USP49: variants seen among roughly 807,000 people sequenced by gnomAD.
USP49 encodes ubiquitin carboxyl-terminal hydrolase 49.
Under a neutral mutation model 58.6 loss-of-function variants are expected in USP49, and 24 were observed. The observed-to-expected ratio is 0.41, with a 90% CI of 0.30 to 0.58. The LOEUF is 0.58. USP49 is among the 20% of genes least tolerant of loss of function. The pLI is 0.30. For missense variants in USP49, 703 were observed against 866.1 expected, an observed-to-expected ratio of 0.81 and a Z score of 2.36; for synonymous variants, 408 against 365.1, an observed-to-expected ratio of 1.12 and a Z score of -1.34.
At chr6:41,878,479 CA>C (rs772558846) in intron 2 of USP49, among the ~76,000 whole-genome samples, 4 of 152,034 alleles carry the variant, frequency 2.6e-5, no homozygotes, top group Non-Finnish European at 5.9e-5. Context: ...AAAACAATAC[CA>C]AATCCCATTT....
chr6:41,823,250 C>A (rs1398184474), intron 3 of USP49, among the ~76,000 whole-genome samples: 2 of 152,070 alleles, frequency 1.3e-5, no homozygotes, highest in African/African-American at 2.4e-5. Flanking sequence ...AACCTTTGTA[C>A]CTTTTGGGGA....
intron 3 of USP49, among the ~76,000 whole-genome samples, chr6:41,813,657 GC>G (rs1349247692): frequency 5.3e-5 from 8 of 152,024 alleles, no homozygotes; most frequent in Admixed American, 5.2e-4. Context: ...ATTTGTCATG[GC>G]GACTCACTAA....
chr6:41,829,501 T>TG (rs1485062692), intron 3 of USP49, among the ~76,000 whole-genome samples: 1 of 152,116 alleles, frequency 6.6e-6, no homozygotes, highest in South Asian at 2.1e-4. Flanking sequence ...TTAGTAGAGA[T>TG]GGGGTTTCTC....
At chr6:41,856,225 A>C (rs1029314151) in intron 3 of USP49, among the ~76,000 whole-genome samples, 1 of 151,874 alleles carries the variant, frequency 6.6e-6, no homozygotes, top group Non-Finnish European at 1.5e-5. Flanking sequence ...TACAAAAAAA[A>C]TTAGCCAGGC....
At position 41,803,549 on chromosome 6, in the gene USP49, C is replaced by T. The variant is rs1268708275; in HGVS notation, c.1561+257G>A. 6.6e-6 allele frequency among the ~76,000 whole-genome samples: 1 copy of T among 152,222 alleles called. No homozygotes were observed. Among genetic ancestry groups the T allele is most frequent in the East Asian group, 1.9e-4 (1 of 5,198 alleles). ...AAACTCCTGACCTCAAGTGATCTGTCCGCCTTGGCCTCCCAAAATGCTGGG... is the reference window on the plus strand; with the variant it reads ...AAACTCCTGACCTCAAGTGATCTGTTCGCCTTGGCCTCCCAAAATGCTGGG... On this transcript the variant is annotated intron_variant, in intron 5 of 7. Coordinates refer to ENST00000682992, the MANE Select transcript of USP49 (RefSeq NM_001286554.2). The surrounding 1 kb of genome is among the most constrained non-coding windows in gnomAD (Gnocchi z 4.1).
At chr6:41,856,244 G>A (rs1424514578) in intron 3 of USP49, among the ~76,000 whole-genome samples, 9 of 151,806 alleles carry the variant, frequency 5.9e-5, no homozygotes, top group African/African-American at 9.7e-5. Context: ...GCGTGGTGGC[G>A]GGCGCCTGTA....
At chr6:41,815,615 A>G (rs985135700) in intron 3 of USP49, among the ~76,000 whole-genome samples, 2 of 152,142 alleles carry the variant, frequency 1.3e-5, no homozygotes, top group East Asian at 1.9e-4. Flanking sequence ...GGGGTAACCT[A>G]TAAGTCATAG....
rs982973917 is a variant in USP49 at position 41,854,133 on chromosome 6, A to G, written c.-29+17431T>C. ...GGAGTTCGAGACCAGCCTGGCCAAC[A>G]TGGTGAAACCCCACCTCTACTAAAA... On this transcript the variant is annotated intron_variant, in intron 3 of 7. Transcript: ENST00000682992. Among the ~76,000 whole-genome samples the G allele has an allele frequency of 4.0e-5, 6 of 151,756 alleles. No individual in the cohort carries two copies. In the East Asian group the frequency reaches 1.2e-3, roughly 29 times the overall value.
At chr6:41,859,642 A>G (rs1774186690) in intron 3 of USP49, among the ~76,000 whole-genome samples, 1 of 152,182 alleles carries the variant, frequency 6.6e-6, no homozygotes, top group African/African-American at 2.4e-5. Context: ...ATAAACAAAT[A>G]ACGTTCTACT....
intron 3 of USP49, among the ~76,000 whole-genome samples, chr6:41,840,385 A>G (rs6458246): frequency 0.25 from 37,478 of 151,264 alleles, 4,858 homozygotes; most frequent in Middle Eastern, 0.3. Context: ...AAAAAAAAAA[A>G]AAAAGAAAAT....
chr6:41,877,838 G>A (rs1229641933), intron 2 of USP49, among the ~76,000 whole-genome samples: 1 of 152,204 alleles, frequency 6.6e-6, no homozygotes, highest in Non-Finnish European at 1.5e-5. Flanking sequence ...TGGGATTATA[G>A]GCGTGGGCCA....
Position 41,806,897 on chromosome 6 carries a change from A to G in USP49, c.87T>C (p.Cys29=), listed in dbSNP as rs376164265. ...LNPQKWCCLE[C]ATTESVWACL... ...AGGCCCACACGGACTCGGTGGTGGCACACTCTAAGCAGCACCACTTCTGAG... is the reference window on the plus strand; with the variant it reads ...AGGCCCACACGGACTCGGTGGTGGCGCACTCTAAGCAGCACCACTTCTGAG... The change falls in exon 4 of 8, where the codon TGT becomes TGC. Residue 29 remains cysteine (C), a synonymous_variant. Coordinates refer to ENST00000682992, the MANE Select transcript of USP49 (RefSeq NM_001286554.2). This position sits in a 1 kb window ranked among gnomAD's most constrained non-coding sequence, Gnocchi z 5.9. The G allele has an allele frequency of 9.4e-5, 151 of 1,613,828 alleles. No individual in the cohort carries two copies. Among genetic ancestry groups the G allele is most frequent in the Non-Finnish European group, 1.1e-4 (130 of 1,180,004 alleles).
At chr6:41,889,060 TCTCGCTCTGTTGACGAGG>T (rs1774767376) in intron 2 of USP49, among the ~76,000 whole-genome samples, 1 of 151,780 alleles carries the variant, frequency 6.6e-6, no homozygotes, top group Admixed American at 6.6e-5. Flanking sequence ...TGAGACAGAG[TCTCGCTCTGTTGACGAGG>T]CTGGAGTGCA....
intron 3 of USP49, among the ~76,000 whole-genome samples, chr6:41,859,992 C>T (rs956494803): frequency 4.6e-5 from 7 of 152,070 alleles, no homozygotes; most frequent in Non-Finnish European, 8.8e-5. Context: ...TCCCATTTAC[C>T]GAAGACTGTC....
rs141577037 is a variant in USP49, at chr6:41,838,968, T to C, written c.-28-31957A>G. Among the ~76,000 whole-genome samples, 7 of 152,300 alleles carry C rather than the reference T, an allele frequency of 4.6e-5. No homozygotes were observed. The East Asian group carries it at 1.3e-3, about 29-fold the overall frequency. On this transcript the variant is annotated intron_variant, in intron 3 of 7. Coordinates refer to ENST00000682992, the MANE Select transcript of USP49 (RefSeq NM_001286554.2). ...CATTAAATAATCTGGTCTTGAATAA[T>C]CTTTGGGTCAACAATGAAATCAAGA...
At chr6:41,801,153 A>G (rs914145848) in intron 5 of USP49, among the ~76,000 whole-genome samples, 20 of 152,240 alleles carry the variant, frequency 1.3e-4, no homozygotes, top group Admixed American at 1.2e-3. Context: ...GAGTTCTCTT[A>G]GTTTCTATCA....
rs1554142793 is a variant in USP49 at position 41,802,428 on chromosome 6, TTTTA to T, written c.1561+1374_1561+1377del. Among the ~76,000 whole-genome samples, 204 of 106,420 alleles carry T rather than the reference TTTTA, an allele frequency of 1.9e-3. 6 individuals carry two copies. The highest frequency in any genetic ancestry group is 6.0e-3 in the East Asian group (23 of 3,830). 69.8% of individuals were successfully genotyped at this position (106,420 alleles called of 152,430 possible). On this transcript the variant is annotated intron_variant, in intron 5 of 7. Coordinates refer to ENST00000682992, the MANE Select transcript of USP49 (RefSeq NM_001286554.2). ...TTATTTTTTATTTTATTTTATTTTA[TTTTA>T]TTTATTTATTTATTTATTTATTTAT... is the stretch of plus-strand genomic sequence containing the variant.
intron 2 of USP49, among the ~76,000 whole-genome samples, chr6:41,888,335 T>G (rs1774752682): frequency 1.3e-5 from 2 of 151,438 alleles, no homozygotes; most frequent in South Asian, 4.2e-4. Context: ...GATTAACAGG[T>G]GTGAGCCACT....
At chr6:41,855,951 G>A (rs1774122731) in intron 3 of USP49, among the ~76,000 whole-genome samples, 3 of 152,136 alleles carry the variant, frequency 2.0e-5, no homozygotes, top group African/African-American at 7.2e-5. Context: ...GGGGGGCTGA[G>A]GCAGGAGGAT....
Sources: allele counts gnomAD v4.1 joint callset (sites outside exome capture counted in the v4.1 genomes callset), GRCh38; gene constraint gnomAD v4.1.1; non-coding constraint Gnocchi (gnomAD v3.1); transcripts MANE v1.5; gene names NCBI Gene and HGNC (gene_info 2026-07-23, HGNC 2026-07-21).